ING3: variants seen among roughly 807,000 people sequenced by gnomAD.
The protein encoded by ING3 is inhibitor of growth protein 3.
ING3 carries 6 observed loss-of-function variants against 64.8 expected under a neutral mutation model. The ratio of observed to expected loss-of-function variants is 0.09; its 90% confidence interval spans 0.05 to 0.18. ING3 has a LOEUF of 0.18. Ranked by LOEUF, ING3 falls within the 10% of genes least tolerant of loss-of-function variation. The pLI, the probability that ING3 is intolerant of heterozygous loss-of-function variation, is 1.00. For missense variants in ING3, 310 were observed against 489.7 expected, an observed-to-expected ratio of 0.63 and a Z score of 3.46; for synonymous variants, 170 against 173.7, an observed-to-expected ratio of 0.98 and a Z score of 0.17.
intron 4 of ING3, among the ~76,000 whole-genome samples, chr7:120,960,937 T>G (rs2116667913): frequency 6.6e-6 from 1 of 152,334 alleles, no homozygotes; most frequent in Non-Finnish European, 1.5e-5. Context: ...AATTTGAGCT[T>G]TTAGTTAATG....
intron 10 of ING3, among the ~76,000 whole-genome samples, chr7:120,972,329 A>G (rs1796079945): frequency 6.6e-6 from 1 of 152,134 alleles, no homozygotes; most frequent in African/African-American, 2.4e-5. Flanking sequence ...TCAGCAGATT[A>G]TTGTGTCTAA....
chr7:120,959,213 G>A (rs879870541), intron 4 of ING3, among the ~76,000 whole-genome samples: 6 of 152,140 alleles, frequency 3.9e-5, no homozygotes, highest in Non-Finnish European at 8.8e-5. Context: ...TCACATGAAG[G>A]TGATTGTCTT....
rs145250349 is a variant in ING3 at position 120,956,415 on chromosome 7, C to T, written c.267+791C>T. On this transcript the variant is annotated intron_variant, in intron 4 of 11. Coordinates refer to ENST00000315870, the MANE Select transcript of ING3 (RefSeq NM_019071.3). ...GTACAGATTTATTACTGAACAAGTA[C>T]GTGTAAGTAAAATGTCATTGGTGAG... 179 of 1,250,890 alleles carry T rather than the reference C, an allele frequency of 1.4e-4. No individual in the cohort carries two copies. In the East Asian group the frequency reaches 6.6e-3, roughly 46 times the overall value. The allele number at this position is 1,250,890 out of a possible 1,614,324, so 77.5% of individuals were successfully genotyped here.
chr7:120,957,288 C>T (rs1024914977), intron 4 of ING3, among the ~76,000 whole-genome samples: 2 of 150,320 alleles, frequency 1.3e-5, no homozygotes, highest in African/African-American at 4.9e-5. Context: ...AGGAGAATGG[C>T]GGGAACCCGG....
At chr7:120,971,494 A>G (rs1401599373) in intron 10 of ING3, among the ~76,000 whole-genome samples, 4 of 152,216 alleles carry the variant, frequency 2.6e-5, no homozygotes, top group Non-Finnish European at 4.4e-5. Flanking sequence ...TGCATTTCAT[A>G]ACACGTGTCT....
chr7:120,953,512 A>G (rs951202168), intron 3 of ING3, 108 bp downstream of exon 3: 2 of 662,368 alleles, frequency 3.0e-6, no homozygotes, highest in East Asian at 2.9e-5. Context: ...AATATTATCA[A>G]TGACTCCTTA....
chr7:120,967,631 C>T lies in ING3; in HGVS notation c.539C>T (p.Ser180Phe). 1.3e-6 allele frequency: 2 copies of T among 1,596,668 alleles called. No individual in the cohort carries two copies. Among genetic ancestry groups the T allele is most frequent in the Middle Eastern group, 3.4e-4 (2 of 5,962 alleles). ...CTATCCACCCTTACGTCAGATGCCTCTAAGGAAAATACACTAGGTAAGTTA... is the reference window on the plus strand; with the variant it reads ...CTATCCACCCTTACGTCAGATGCCTTTAAGGAAAATACACTAGGTAAGTTA... ...ALLSTLTSDA[S>F]KENTLGCRNN... The change falls in exon 7 of 12, where the codon TCT (serine) becomes TTT (phenylalanine). Residue 180 changes from serine to phenylalanine, a missense_variant. Ser to Phe is a radical substitution (Grantham distance 155). Coordinates refer to ENST00000315870, the MANE Select transcript of ING3 (RefSeq NM_019071.3).
Position 120,967,752 on chromosome 7 carries a change from T to G in ING3, c.556+104T>G, listed in dbSNP as rs1233852891. On this transcript the variant is annotated intron_variant, in intron 7 of 11. Coordinates refer to ENST00000315870, the MANE Select transcript of ING3 (RefSeq NM_019071.3). ...GAATCATACAGTTTCTTTACCTGGT[T>G]AAAGTATACATATGGAGAAAGAAGA... 9 of 1,325,704 alleles carry G rather than the reference T, an allele frequency of 6.8e-6. No individual in the cohort carries two copies. The South Asian group carries it at 1.2e-4, about 17-fold the overall frequency. The allele number at this position is 1,325,704 out of a possible 1,614,324, so 82.1% of individuals were successfully genotyped here.
intron 6 of ING3, among the ~76,000 whole-genome samples, chr7:120,966,920 A>T (rs1297626678): frequency 1.3e-5 from 2 of 152,170 alleles, no homozygotes; most frequent in Admixed American, 1.3e-4. Flanking sequence ...GAGAATGTAT[A>T]GTACTAATAG....
chr7:120,963,922 G>T (rs955050686), intron 4 of ING3, among the ~76,000 whole-genome samples: 7 of 152,132 alleles, frequency 4.6e-5, no homozygotes, highest in Admixed American at 2.0e-4. Flanking sequence ...AATGTGACAT[G>T]AATATTTTTC....
chr7:120,960,719 A>G (rs1795922492), intron 4 of ING3, among the ~76,000 whole-genome samples: 1 of 152,218 alleles, frequency 6.6e-6, no homozygotes, highest in African/African-American at 2.4e-5. Flanking sequence ...CCGGTAGAAG[A>G]AACTGACAGT....
intron 5 of ING3, among the ~76,000 whole-genome samples, chr7:120,966,340 C>A (rs543293238): frequency 6.6e-6 from 1 of 152,180 alleles, no homozygotes; most frequent in African/African-American, 2.4e-5. Context: ...TATATGGCAC[C>A]CACTATGGTG....
At chr7:120,971,454 G>T (rs1356666346) in intron 10 of ING3, among the ~76,000 whole-genome samples, 3 of 152,154 alleles carry the variant, frequency 2.0e-5, no homozygotes, top group Non-Finnish European at 4.4e-5. Context: ...GGGGGTTAGG[G>T]CTTCAACATA....
chr7:120,961,970 G>T (rs1795938844), intron 4 of ING3, among the ~76,000 whole-genome samples: 1 of 152,202 alleles, frequency 6.6e-6, no homozygotes, highest in African/African-American at 2.4e-5. Context: ...GCAGATGTTT[G>T]TGGAAGGGTG....
intron 10 of ING3, 95 bp downstream of exon 10, chr7:120,970,975 A>G (rs1796063489): frequency 1.6e-6 from 2 of 1,244,138 alleles, no homozygotes; most frequent in Non-Finnish European, 2.3e-6. Context: ...CTCACTTAAA[A>G]TACCTTTGCT....
At chr7:120,970,071 G>A (rs1796046511) in intron 9 of ING3, among the ~76,000 whole-genome samples, 2 of 152,082 alleles carry the variant, frequency 1.3e-5, no homozygotes, top group Non-Finnish European at 2.9e-5. Flanking sequence ...CTCATGGTAG[G>A]TATTCACACA....
In ING3 at chr7:120,976,299, T is replaced by G. The variant is rs918768182; in HGVS notation, c.*1455T>G. 1 of 152,164 alleles carries G rather than the reference T, an allele frequency of 6.6e-6. No individual in the cohort carries two copies. The highest frequency in any genetic ancestry group is 1.5e-5 in the Non-Finnish European group (1 of 68,018). The allele number at this position is 152,164 out of a possible 1,614,324, so 9.4% of individuals were successfully genotyped here. A position where few individuals can be genotyped will look rare whatever the true frequency, so the allele number is the denominator to read the frequency against. On this transcript the variant is annotated 3_prime_UTR_variant, in exon 12 of 12. Transcript: ENST00000315870. ...GCTTTAATTAAACCACTTATGAGCTTCTTAGAACTTATTCAGATAACAGTG... is the reference window on the plus strand; with the variant it reads ...GCTTTAATTAAACCACTTATGAGCTGCTTAGAACTTATTCAGATAACAGTG...
At chr7:120,971,269 C>T (rs1329172439) in intron 10 of ING3, among the ~76,000 whole-genome samples, 1 of 152,168 alleles carries the variant, frequency 6.6e-6, no homozygotes, top group East Asian at 1.9e-4. Flanking sequence ...GGCTCCCTTC[C>T]TAGATGGAGA....
chr7:120,952,875 G>A (rs2116647262), intron 2 of ING3, among the ~76,000 whole-genome samples: 1 of 152,062 alleles, frequency 6.6e-6, no homozygotes, highest in East Asian at 1.9e-4. Context: ...GTTGGGATAT[G>A]ACATGATGAG....
Sources: gnomAD v4.1 joint callset for allele counts (sites outside exome capture counted in the v4.1 genomes callset) on GRCh38, gnomAD v4.1.1 for gene constraint, MANE v1.5 for transcripts, NCBI Gene and HGNC (gene_info 2026-07-23, HGNC 2026-07-21) for gene names.